DGKB: variants seen among roughly 807,000 people sequenced by gnomAD.
The protein encoded by DGKB is 90 kDa diacylglycerol kinase.
In DGKB, 67 loss-of-function variants were observed where a neutral mutation model predicts 114.3. The ratio of observed to expected loss-of-function variants is 0.59; its 90% confidence interval spans 0.48 to 0.72. DGKB has a LOEUF of 0.72. Among genes scored for constraint, DGKB ranks in the 30% least tolerant of loss-of-function variants. DGKB has a pLI of 0.00. For missense variants in DGKB, 907 were observed against 975.2 expected, an observed-to-expected ratio of 0.93 and a Z score of 0.93; for synonymous variants, 398 against 323.1, an observed-to-expected ratio of 1.23 and a Z score of -2.49.
intron 2 of DGKB, among the ~76,000 whole-genome samples, chr7:14,772,141 T>C (rs1837515187): frequency 6.6e-6 from 1 of 152,122 alleles, no homozygotes; most frequent in South Asian, 2.1e-4. Context: ...CCTAAAAATA[T>C]ATAAAACCAA....
In DGKB at chr7:14,148,318, C is replaced by G; in HGVS notation, c.*813G>C. The G allele has an allele frequency of 6.6e-6, 1 of 152,528 alleles. No homozygotes were observed. Among genetic ancestry groups the G allele is most frequent in the East Asian group, 1.9e-4 (1 of 5,184 alleles). 9.4% of individuals were successfully genotyped at this position (152,528 alleles called of 1,614,324 possible). On this transcript the variant is annotated 3_prime_UTR_variant, in exon 26 of 26. Coordinates refer to ENST00000402815, the MANE Select transcript of DGKB (RefSeq NM_001350709.2). ...TTCTCTCAAGCATTGTTTTCTGAATCTTTGGTGGGAAACACATTGATTAGG... is the reference window on the plus strand; with the variant it reads ...TTCTCTCAAGCATTGTTTTCTGAATGTTTGGTGGGAAACACATTGATTAGG...
At chr7:14,331,501 G>T (rs1019044353) in intron 23 of DGKB, among the ~76,000 whole-genome samples, 1 of 152,004 alleles carries the variant, frequency 6.6e-6, no homozygotes, top group African/African-American at 2.4e-5. Context: ...ATAACCCATA[G>T]AAATGTCTAG....
intron 1 of DGKB, among the ~76,000 whole-genome samples, chr7:14,949,134 G>A (rs924645283): frequency 4.0e-5 from 6 of 151,448 alleles, no homozygotes; most frequent in Non-Finnish European, 5.9e-5. Flanking sequence ...TTACAAATAC[G>A]AAAAAACAGG....
chr7:14,742,197 T>C (rs1415096645), intron 4 of DGKB, among the ~76,000 whole-genome samples: 2 of 152,226 alleles, frequency 1.3e-5, no homozygotes, highest in Admixed American at 6.5e-5. Flanking sequence ...CACCTGTATC[T>C]GCTTATTAGG....
intron 1 of DGKB, among the ~76,000 whole-genome samples, chr7:14,919,095 AACACACACACAC>A (rs3036019): frequency 6.1e-5 from 7 of 114,970 alleles, no homozygotes; most frequent in Non-Finnish European, 1.1e-4. Flanking sequence ...CACACACACA[AACACACACACAC>A]ACACACACAC....
At chr7:14,213,662 C>G (rs1584495127) in intron 23 of DGKB, among the ~76,000 whole-genome samples, 1 of 152,110 alleles carries the variant, frequency 6.6e-6, no homozygotes, top group Admixed American at 6.6e-5. Flanking sequence ...CCTGTGGGAA[C>G]TGGGACTTCA....
intron 1 of DGKB, among the ~76,000 whole-genome samples, chr7:14,909,760 G>T (rs1350343823): frequency 6.6e-6 from 1 of 152,082 alleles, no homozygotes; most frequent in Non-Finnish European, 1.5e-5. Flanking sequence ...TCTAAAAATG[G>T]CTTTTGAGGT....
chr7:14,559,376 G>C (rs1395763547), intron 20 of DGKB, among the ~76,000 whole-genome samples: 1 of 152,068 alleles, frequency 6.6e-6, no homozygotes, highest in Non-Finnish European at 1.5e-5. Flanking sequence ...TTGGAGGAAG[G>C]GGGCACAGCG....
At chr7:14,837,776 A>G (rs1296752415) in intron 2 of DGKB, among the ~76,000 whole-genome samples, 3 of 152,156 alleles carry the variant, frequency 2.0e-5, no homozygotes, top group Admixed American at 2.0e-4. Flanking sequence ...AATCTTCAGG[A>G]TGATGTTTGT....
At chr7:14,240,178 A>G (rs1793435240) in intron 23 of DGKB, among the ~76,000 whole-genome samples, 1 of 151,904 alleles carries the variant, frequency 6.6e-6, no homozygotes, top group Admixed American at 6.6e-5. Context: ...TGCCAAAGAG[A>G]TTTCACTTTT....
intron 2 of DGKB, among the ~76,000 whole-genome samples, chr7:14,828,293 A>G (rs1229781760): frequency 6.6e-6 from 1 of 152,122 alleles, no homozygotes; most frequent in Non-Finnish European, 1.5e-5. Flanking sequence ...ATGTCTGAGC[A>G]TCCCTGTGAT....
intron 21 of DGKB, among the ~76,000 whole-genome samples, chr7:14,434,012 T>C (rs1360748811): frequency 6.6e-6 from 1 of 152,186 alleles, no homozygotes; most frequent in Non-Finnish European, 1.5e-5. Flanking sequence ...TGGAGTTACA[T>C]CAGTGCTCAG....
intron 3 of DGKB, among the ~76,000 whole-genome samples, chr7:14,754,477 T>G (rs898961908): frequency 1.3e-5 from 2 of 152,094 alleles, no homozygotes; most frequent in Non-Finnish European, 2.9e-5. Context: ...TCCATACTCT[T>G]AAAGATTAAA....
At chr7:14,588,626 G>A (rs940717257) in intron 17 of DGKB, among the ~76,000 whole-genome samples, 1 of 151,902 alleles carries the variant, frequency 6.6e-6, no homozygotes, top group Non-Finnish European at 1.5e-5. Flanking sequence ...CTGTAGTGGA[G>A]CACTTTTTTT....
chr7:14,473,730 C>G (rs1162119401), intron 21 of DGKB, among the ~76,000 whole-genome samples: 1 of 152,208 alleles, frequency 6.6e-6, no homozygotes, highest in Non-Finnish European at 1.5e-5. Context: ...AAGCCTACTT[C>G]TTGCATCAGC....
chr7:14,473,067 A>G (rs1584223756), intron 21 of DGKB, among the ~76,000 whole-genome samples: 1 of 152,332 alleles, frequency 6.6e-6, no homozygotes, highest in East Asian at 1.9e-4. Context: ...ATAAGTAATG[A>G]GGAGTCAAAC....
intron 21 of DGKB, among the ~76,000 whole-genome samples, chr7:14,437,901 G>C (rs1463511066): frequency 6.6e-6 from 1 of 151,098 alleles, no homozygotes; most frequent in Non-Finnish European, 1.5e-5. Context: ...ACACGTCAAA[G>C]AAATAGAAGC....
At chr7:14,849,689 G>A (rs987680590) in intron 1 of DGKB, among the ~76,000 whole-genome samples, 1 of 152,186 alleles carries the variant, frequency 6.6e-6, no homozygotes, top group Non-Finnish European at 1.5e-5. Context: ...AGCTGGGCAT[G>A]AGGTGGAGTA....
intron 6 of DGKB, among the ~76,000 whole-genome samples, chr7:14,717,595 T>C (rs1205719544): frequency 6.6e-6 from 1 of 152,084 alleles, no homozygotes; most frequent in East Asian, 1.9e-4. Context: ...GAAGAAGAAA[T>C]ATTATCAAAA....
Sources: allele counts gnomAD v4.1 joint callset (sites outside exome capture counted in the v4.1 genomes callset), GRCh38; gene constraint gnomAD v4.1.1; transcripts MANE v1.5; gene names NCBI Gene and HGNC (gene_info 2026-07-23, HGNC 2026-07-21).